Variants in GAK observed in about 807,000 individuals in gnomAD.
GAK encodes the protein cyclin G associated kinase.
A neutral mutation model predicts 143.9 loss-of-function variants in GAK; 79 were observed. That is an observed-to-expected ratio of 0.55 (90% CI 0.46 to 0.66). The LOEUF (loss-of-function observed/expected upper bound fraction) is 0.66, where lower values mean the gene tolerates loss of function less well. GAK is among the 30% of genes least tolerant of loss of function. The pLI is 0.00. For synonymous variants in GAK, 881 were observed against 765.5 expected (o/e 1.15, Z -2.49); for missense variants, 1,693 against 1,779.7 (o/e 0.95, Z 0.88).
chr4:904,831 G>A, intron 4 of GAK, 52 bp from the exon 5 acceptor site: 1 of 1,579,670 alleles, frequency 6.3e-7, no homozygotes, highest in Non-Finnish European at 8.6e-7. Context: ...TCCGGAGACA[G>A]GGAACCTAGG....
chr4:859,271 C>T, intron 24 of GAK: 1 of 1,248,590 alleles, frequency 8.0e-7, no homozygotes, highest in African/African-American at 1.5e-5. Context: ...GCCTCGGGGA[C>T]TGAGCAGAGC....
intron 16 of GAK, 22 bp downstream of exon 16, chr4:877,593 G>C (rs1322664884): frequency 6.4e-7 from 1 of 1,553,342 alleles, no homozygotes; most frequent in East Asian, 2.3e-5. Context: ...GGAGCACAGC[G>C]TGGGGCTGCA....
intron 24 of GAK, among the ~76,000 whole-genome samples, chr4:856,213 ACCACAGCTGCTCACCAC>A (rs1749114064): frequency 7.2e-6 from 1 of 139,776 alleles, no homozygotes; most frequent in African/African-American, 2.7e-5. Flanking sequence ...ACACCTGCTC[ACCACAGCTGCTCACCAC>A]CACAGCTGCT....
intron 14 of GAK, 99 bp from the exon 15 acceptor site, chr4:882,139 C>A (rs535825565): frequency 1.4e-5 from 19 of 1,317,452 alleles, no homozygotes; most frequent in Non-Finnish European, 1.8e-5. Flanking sequence ...GCTGCAGGGA[C>A]GCAGGGCTGT....
At chr4:902,612 A>AAAAAAAAAAAAAAAAAAC (rs1560401696) in intron 5 of GAK, among the ~76,000 whole-genome samples, 11 of 143,830 alleles carry the variant, frequency 7.6e-5, no homozygotes, top group African/African-American at 2.6e-4. Context: ...AAAAAAAAAA[A>AAAAAAAAAAAAAAAAAAC]AACCCCAAAA....
chr4:873,268 C>T (rs950253373), intron 18 of GAK, among the ~76,000 whole-genome samples: 1 of 152,210 alleles, frequency 6.6e-6, no homozygotes, highest in Non-Finnish European at 1.5e-5. Flanking sequence ...AATATTTTCT[C>T]ATTTCAACAG....
chr4:921,039 G>C (rs1723847693), intron 1 of GAK, among the ~76,000 whole-genome samples: 1 of 152,176 alleles, frequency 6.6e-6, no homozygotes, highest in African/African-American at 2.4e-5. Flanking sequence ...CAGATACAAA[G>C]ATGACTGGAA....
rs1722036623 is a variant in GAK, at chr4:911,476, A to G, written c.382+197T>C. On this transcript the variant is annotated intron_variant, in intron 4 of 27. Transcript: ENST00000314167. ...GACGATGCAGGTGGCCCACCGGGAC[A>G]GTGGGAAGCTCACTGGGCGTCAGCG... Among the ~76,000 whole-genome samples the G allele has an allele frequency of 2.0e-5, 3 of 152,062 alleles. No homozygotes were observed. In the South Asian group the frequency reaches 6.2e-4, roughly 32 times the overall value.
intron 26 of GAK, 111 bp downstream of exon 26, chr4:850,825 G>C (rs1171681107): frequency 2.5e-6 from 3 of 1,213,672 alleles, no homozygotes; most frequent in South Asian, 3.0e-5. Context: ...AGATGCTCCA[G>C]GGGTGAAAGG....
chr4:907,943 A>C (rs1453447693), intron 4 of GAK, among the ~76,000 whole-genome samples: 7 of 150,894 alleles, frequency 4.6e-5, no homozygotes, highest in African/African-American at 1.5e-4. Context: ...TCTCCTTCCC[A>C]CACCACCCCA....
At chr4:880,895 C>T (rs748639242) in intron 15 of GAK, among the ~76,000 whole-genome samples, 2 of 152,180 alleles carry the variant, frequency 1.3e-5, no homozygotes, top group Non-Finnish European at 2.9e-5. Flanking sequence ...TCTCAGACGC[C>T]CCCTGCTGAA....
At chr4:860,479 A>G (rs1326821916) in intron 23 of GAK, among the ~76,000 whole-genome samples, 1 of 152,234 alleles carries the variant, frequency 6.6e-6, no homozygotes, top group African/African-American at 2.4e-5. Flanking sequence ...CCAAAAAATA[A>G]GCAAAGAACA....
intron 5 of GAK, among the ~76,000 whole-genome samples, 194 bp downstream of exon 5, chr4:904,443 C>G (rs544266003): frequency 1.4e-5 from 2 of 144,384 alleles, no homozygotes; most frequent in East Asian, 4.1e-4. Flanking sequence ...CCGAGCGGGA[C>G]CCGCACACAG....
chr4:866,465 A>T lies in GAK; in HGVS notation c.2942T>A (p.Phe981Tyr), dbSNP rs1420351372. The T allele has an allele frequency of 6.2e-7, 1 of 1,614,006 alleles. No homozygotes were observed. The highest frequency in any genetic ancestry group is 2.2e-5 in the East Asian group (1 of 44,894). ...NSQPCSNPDL[F>Y]GEFLNSDSVT... Reference sequence around the variant, plus strand: ...AGAGTCCGAATTGAGAAATTCGCCGAAGAGATCAGGATTGGAGCAGGGCTG... The same window carrying T: ...AGAGTCCGAATTGAGAAATTCGCCGTAGAGATCAGGATTGGAGCAGGGCTG... Residue 981 changes from phenylalanine to tyrosine, a missense_variant, in exon 22 of 28, where the codon TTC becomes TAC. Transcript: ENST00000314167.
intron 9 of GAK, among the ~76,000 whole-genome samples, chr4:892,034 A>G (rs1022706087): frequency 1.2e-4 from 18 of 152,148 alleles, no homozygotes; most frequent in African/African-American, 3.6e-4. Context: ...TGGGCTTCCC[A>G]GCACTTCCCT....
At chr4:904,857 C>A (rs1239736787) in intron 4 of GAK, 78 bp from the exon 5 acceptor site, 2 of 1,401,202 alleles carry the variant, frequency 1.4e-6, no homozygotes, top group African/African-American at 1.4e-5. Context: ...TTCACGCGGA[C>A]TTCCCAGAAC....
chr4:919,151 C>T (rs968737921), intron 1 of GAK, among the ~76,000 whole-genome samples: 2 of 150,878 alleles, frequency 1.3e-5, no homozygotes, highest in African/African-American at 2.4e-5. Context: ...GCCTCAGCGC[C>T]GCATGACCTT....
At chr4:907,234 C>A (rs990210987) in intron 4 of GAK, among the ~76,000 whole-genome samples, 7 of 152,248 alleles carry the variant, frequency 4.6e-5, no homozygotes, top group African/African-American at 1.4e-4. Flanking sequence ...GCACTGCCCC[C>A]ACCTGCACCC....
At chr4:879,086 G>A (rs1220074132) in intron 15 of GAK, among the ~76,000 whole-genome samples, 1 of 152,262 alleles carries the variant, frequency 6.6e-6, no homozygotes, top group African/African-American at 2.4e-5. Flanking sequence ...CTTGAACGGA[G>A]GAGAGGGCCC....
Sources: gnomAD v4.1 joint callset for allele counts (sites outside exome capture counted in the v4.1 genomes callset) on GRCh38, gnomAD v4.1.1 for gene constraint, MANE v1.5 for transcripts, NCBI Gene and HGNC (gene_info 2026-07-23, HGNC 2026-07-21) for gene names.